RBM20: variants seen among roughly 807,000 people sequenced by gnomAD.
RBM20 encodes the protein RNA-binding protein 20.
A neutral mutation model predicts 110.1 loss-of-function variants in RBM20; 51 were observed. That is an observed-to-expected ratio of 0.46 (90% CI 0.37 to 0.59). RBM20 has a LOEUF of 0.59. RBM20 is among the 20% of genes least tolerant of loss of function. RBM20 has a pLI of 0.00. For synonymous variants in RBM20, 589 were observed against 618.2 expected (o/e 0.95, Z 0.70); for missense variants, 1,512 against 1,574.9 (o/e 0.96, Z 0.68).
intron 1 of RBM20, among the ~76,000 whole-genome samples, chr10:110,772,497 C>T (rs187051390): frequency 6.6e-6 from 1 of 152,272 alleles, no homozygotes; most frequent in Non-Finnish European, 1.5e-5. Context: ...CTGTACTTGT[C>T]TAGGTTTAAA....
At chr10:110,725,009 T>G (rs1424080982) in intron 1 of RBM20, among the ~76,000 whole-genome samples, 2 of 152,170 alleles carry the variant, frequency 1.3e-5, no homozygotes, top group African/African-American at 4.8e-5. Context: ...TACTGCAAAG[T>G]GGACTGTGAT....
chr10:110,710,052 C>T (rs1862901322), intron 1 of RBM20, among the ~76,000 whole-genome samples: 2 of 152,140 alleles, frequency 1.3e-5, no homozygotes, highest in South Asian at 4.1e-4. Context: ...TAGGCTTTCA[C>T]CTAGTATTTC....
rs932240411 is a variant in RBM20 at position 110,738,307 on chromosome 10, A to G, written c.192-42494A>G. On this transcript the variant is annotated intron_variant, in intron 1 of 13. Coordinates refer to ENST00000369519, the MANE Select transcript of RBM20 (RefSeq NM_001134363.3). ...AGAGGTTGGGGGCCAGCTTAATGCC[A>G]GTGCCCACTGCTGCTTACAGGCTGG... is the stretch of plus-strand genomic sequence containing the variant. 3.3e-5 allele frequency among the ~76,000 whole-genome samples: 5 copies of G among 152,160 alleles called. No individual in the cohort carries two copies. The South Asian group carries it at 8.3e-4, about 25-fold the overall frequency.
rs754427593 is a variant in RBM20 at position 110,781,374 on chromosome 10, C to T, written c.765C>T (p.Ala255=). Residue 255 remains alanine (A), a synonymous_variant, in exon 2 of 14, where the codon GCC becomes GCT. Transcript: ENST00000369519. Reference sequence around the variant, plus strand: ...AGCCTGGCTTCCTGCCATCCTCGGCCTCAACCTCGGGCAGTGTGACCTATG... The same window carrying T: ...AGCCTGGCTTCCTGCCATCCTCGGCTTCAACCTCGGGCAGTGTGACCTATG... The part of the protein sequence containing the change: ...DGQPGFLPSS[A]STSGSVTYEG... 4.5e-6 allele frequency: 7 copies of T among 1,551,726 alleles called. No homozygotes were observed. The South Asian group carries it at 8.3e-5, about 18-fold the overall frequency.
intron 7 of RBM20, among the ~76,000 whole-genome samples, chr10:110,808,213 C>A (rs1050304687): frequency 3.3e-5 from 5 of 152,234 alleles, no homozygotes; most frequent in Non-Finnish European, 5.9e-5. Context: ...AAGTGACAAC[C>A]GACCCTGGCT....
At chr10:110,724,741 T>C (rs1302895497) in intron 1 of RBM20, among the ~76,000 whole-genome samples, 2 of 152,118 alleles carry the variant, frequency 1.3e-5, no homozygotes, top group Non-Finnish European at 2.9e-5. Flanking sequence ...ATGAATCATC[T>C]GGGGAATGAG....
At chr10:110,793,627 T>A (rs954870195) in intron 5 of RBM20, among the ~76,000 whole-genome samples, 3 of 152,250 alleles carry the variant, frequency 2.0e-5, no homozygotes, top group African/African-American at 7.2e-5. Context: ...ATCTCCGTAT[T>A]TGCCTAATTT....
intron 1 of RBM20, among the ~76,000 whole-genome samples, chr10:110,688,722 A>C (rs1862541564): frequency 6.6e-6 from 1 of 152,258 alleles, no homozygotes; most frequent in African/African-American, 2.4e-5. Context: ...TCAATACCTT[A>C]CATAACCATG....
chr10:110,645,915 T>C (rs557977457), intron 1 of RBM20, among the ~76,000 whole-genome samples: 1 of 152,376 alleles, frequency 6.6e-6, no homozygotes, highest in South Asian at 2.1e-4. Flanking sequence ...ATTATTCTTT[T>C]CTATTGTTTT....
In RBM20 at chr10:110,644,718, C is replaced by T; in HGVS notation, c.191+73C>T. ...GCCCCGAGAGCCCCCTTTGTGGCTT[C>T]ATTTCCCGTCCCTGCTGAACTTCGC... On this transcript the variant is annotated intron_variant, in intron 1 of 13. Transcript: ENST00000369519. This position sits in a 1 kb window ranked among gnomAD's most constrained non-coding sequence, Gnocchi z 4.3. The T allele has an allele frequency of 8.6e-7, 1 of 1,166,880 alleles. No homozygotes were observed. The highest frequency in any genetic ancestry group is 3.1e-5 in the East Asian group (1 of 32,676). The allele number at this position is 1,166,880 out of a possible 1,614,324, so 72.3% of individuals were successfully genotyped here.
chr10:110,786,634 G>A (rs763016833), intron 5 of RBM20, among the ~76,000 whole-genome samples: 10 of 152,322 alleles, frequency 6.6e-5, no homozygotes, highest in Admixed American at 3.9e-4. Flanking sequence ...TGGCAGCTTC[G>A]GGTCAGTCCC....
intron 1 of RBM20, among the ~76,000 whole-genome samples, chr10:110,730,532 G>T (rs374843425): frequency 7.9e-4 from 120 of 152,290 alleles, no homozygotes; most frequent in Middle Eastern, 3.4e-3. Context: ...AGTCAGACAG[G>T]GTGGGGTTCT....
chr10:110,767,012 T>C, intron 1 of RBM20, among the ~76,000 whole-genome samples: 1 of 136,222 alleles, frequency 7.3e-6, no homozygotes, highest in African/African-American at 2.8e-5. Flanking sequence ...GGCTCCTCAC[T>C]TCCCAGTAGG....
chr10:110,763,441 G>A (rs1390059679), intron 1 of RBM20, among the ~76,000 whole-genome samples: 1 of 152,158 alleles, frequency 6.6e-6, no homozygotes, highest in Non-Finnish European at 1.5e-5. Flanking sequence ...GGAGATTACA[G>A]TGGACACCAG....
chr10:110,812,876 A>G lies in RBM20; in HGVS notation c.2479A>G (p.Lys827Glu). 1 of 1,478,370 alleles carries G rather than the reference A, an allele frequency of 6.8e-7. No individual in the cohort carries two copies. The highest frequency in any genetic ancestry group is 1.4e-5 in the African/African-American group (1 of 70,246). 91.6% of individuals were successfully genotyped at this position (1,478,370 alleles called of 1,614,324 possible). Residue 827 changes from lysine (K) to glutamate (E), a missense_variant, in exon 9 of 14, where the codon AAA becomes GAA. By Grantham distance (56) the Lys-to-Glu change is moderately conservative. This residue lies in a region of RBM20 where 1,149 missense variants were observed against 1,169.4 expected (regional missense o/e 0.98). Coordinates refer to ENST00000369519, the MANE Select transcript of RBM20 (RefSeq NM_001134363.3). ...GAKAKQNEKN[K>E]TKRTDRDQEG... ...CAAGGCCAAGCAGAATGAGAAAAAT[A>G]AAACCAAGAGAACTGATAGAGACCA...
intron 1 of RBM20, among the ~76,000 whole-genome samples, chr10:110,728,523 A>C (rs930446207): frequency 2.0e-5 from 3 of 152,178 alleles, no homozygotes; most frequent in African/African-American, 7.2e-5. Context: ...CTCAGGGTCA[A>C]GGTGAGGGGG....
At chr10:110,708,716 T>C (rs909897144) in intron 1 of RBM20, among the ~76,000 whole-genome samples, 1 of 152,252 alleles carries the variant, frequency 6.6e-6, no homozygotes. Context: ...TATTTTTGTA[T>C]TTCAGGGGAA....
At chr10:110,740,564 G>A (rs2134967376) in intron 1 of RBM20, among the ~76,000 whole-genome samples, 1 of 152,150 alleles carries the variant, frequency 6.6e-6, no homozygotes, top group East Asian at 1.9e-4. Flanking sequence ...GAGAGATGGA[G>A]CCCCTTCTCT....
At chr10:110,793,034 G>A (rs2135065037) in intron 5 of RBM20, among the ~76,000 whole-genome samples, 1 of 152,286 alleles carries the variant, frequency 6.6e-6, no homozygotes, top group East Asian at 1.9e-4. Flanking sequence ...CATCTGGGAG[G>A]AGTGGAATTT....
Sources: gnomAD v4.1 joint callset for allele counts (sites outside exome capture counted in the v4.1 genomes callset) on GRCh38, gnomAD v4.1.1 for gene constraint, gnomAD v4.1.1 regional missense constraint, Gnocchi (gnomAD v3.1) non-coding constraint, MANE v1.5 for transcripts, NCBI Gene and HGNC (gene_info 2026-07-23, HGNC 2026-07-21) for gene names.